The following EDNRB variants were observed in gnomAD, a reference collection of about 807,000 sequenced individuals.
EDNRB encodes the protein Hirschsprung disease 2.
Under a neutral mutation model 46.4 loss-of-function variants are expected in EDNRB, and 18 were observed. The observed-to-expected ratio is 0.39, with a 90% confidence interval of 0.27 to 0.57. The LOEUF is 0.57. Ranked by LOEUF, EDNRB falls within the 20% of genes least tolerant of loss-of-function variation. The pLI is 0.61. For missense variants in EDNRB, 434 were observed against 537.5 expected (o/e 0.81, Z 1.90); for synonymous variants, 213 against 204.9 (o/e 1.04, Z -0.34).
intron 3 of EDNRB, 94 bp downstream of exon 3, chr13:77,903,062 A>AC: frequency 7.5e-7 from 1 of 1,337,342 alleles, no homozygotes; most frequent in East Asian, 2.4e-5. Context: ...ACAGTCATAA[A>AC]TCAACAGTTT....
At chr13:77,921,615 A>T (rs573314690), upstream of EDNRB, among the ~76,000 whole-genome samples, 3 of 152,288 alleles carry the variant, frequency 2.0e-5, no homozygotes, top group Admixed American at 6.5e-5. Flanking sequence ...GCCTAAGCAA[A>T]TTTTTTTCTT....
At chr13:77,910,416 C>G (rs1879513632) in intron 1 of EDNRB, among the ~76,000 whole-genome samples, 1 of 151,916 alleles carries the variant, frequency 6.6e-6, no homozygotes, top group Admixed American at 6.6e-5. Context: ...TGTGTTTGAA[C>G]TAGAGTTTTA....
chr13:77,926,165 C>CT (rs1880231033), intron 1 of EDNRB, among the ~76,000 whole-genome samples: 2 of 152,158 alleles, frequency 1.3e-5, no homozygotes, highest in Admixed American at 6.5e-5. Context: ...GACCCTGGGA[C>CT]ATTTTCCCCA....
At chr13:77,935,141 AGAGT>A (rs1880524854) in intron 1 of EDNRB, among the ~76,000 whole-genome samples, 1 of 152,220 alleles carries the variant, frequency 6.6e-6, no homozygotes, top group African/African-American at 2.4e-5. Context: ...AGAACTGTAG[AGAGT>A]GAGTTGAGCA....
At chr13:77,954,098 A>G (rs1221760647) in intron 1 of EDNRB, among the ~76,000 whole-genome samples, 2 of 152,134 alleles carry the variant, frequency 1.3e-5, no homozygotes. Flanking sequence ...TGCAATTCCA[A>G]CATTGCATCC....
chr13:77,943,714 T>C (rs1880816877), intron 1 of EDNRB, among the ~76,000 whole-genome samples: 1 of 152,064 alleles, frequency 6.6e-6, no homozygotes, highest in South Asian at 2.1e-4. Flanking sequence ...AACTTCCTCT[T>C]CATTATCTTA....
intron 1 of EDNRB, among the ~76,000 whole-genome samples, chr13:77,950,994 A>C (rs191019054): frequency 6.6e-6 from 1 of 152,328 alleles, no homozygotes; most frequent in African/African-American, 2.4e-5. Context: ...AGAGGTTTTT[A>C]AGGCCAGCTA....
At chr13:77,974,074 C>T (rs1881814488) in intron 1 of EDNRB, among the ~76,000 whole-genome samples, 1 of 151,912 alleles carries the variant, frequency 6.6e-6, no homozygotes, top group African/African-American at 2.4e-5. Flanking sequence ...GCAAACTTTA[C>T]TTTTGTTGAA....
rs1263591133 is a variant in EDNRB at position 77,898,006 on chromosome 13, A to T, written c.*194T>A. 1 of 1,382,184 alleles carries T rather than the reference A, an allele frequency of 7.2e-7. No homozygotes were observed. Among genetic ancestry groups the T allele is most frequent in the Non-Finnish European group, 9.4e-7 (1 of 1,068,920 alleles). The allele number at this position is 1,382,184 out of a possible 1,614,324, so 85.6% of individuals were successfully genotyped here. On this transcript the variant is annotated 3_prime_UTR_variant, in exon 7 of 7. Transcript: ENST00000646607. ...GACGAGGCTTTCTTAATTCCCACTG[A>T]TTTTCTTTCCATGCCGTAAACAGCT...
At chr13:77,974,087 C>T (rs1760414817) in intron 1 of EDNRB, among the ~76,000 whole-genome samples, 1 of 152,014 alleles carries the variant, frequency 6.6e-6, no homozygotes, top group Non-Finnish European at 1.5e-5. Flanking sequence ...TTGTTGAAAA[C>T]CTTGCAAGTT....
At chr13:77,953,591 G>A (rs1002483107) in intron 1 of EDNRB, among the ~76,000 whole-genome samples, 1 of 152,040 alleles carries the variant, frequency 6.6e-6, no homozygotes, top group African/African-American at 2.4e-5. Context: ...AAATAGTCTG[G>A]ACTAAACGAT....
chr13:77,925,273 A>G (rs978340702), intron 1 of EDNRB, among the ~76,000 whole-genome samples: 2 of 152,208 alleles, frequency 1.3e-5, no homozygotes, highest in African/African-American at 4.8e-5. Context: ...CTGTTTGTAT[A>G]TGCCACATTT....
At chr13:77,956,123 C>T (rs145124949) in intron 1 of EDNRB, among the ~76,000 whole-genome samples, 137 of 152,178 alleles carry the variant, frequency 9.0e-4, no homozygotes, top group African/African-American at 3.1e-3. Flanking sequence ...ATAGTATGGA[C>T]GTTTTAACAA....
intron 1 of EDNRB, among the ~76,000 whole-genome samples, chr13:77,909,066 C>T (rs1055584910): frequency 6.6e-6 from 1 of 151,886 alleles, no homozygotes; most frequent in African/African-American, 2.4e-5. Flanking sequence ...TACCCTAAGG[C>T]TTATACTGCT....
Position 77,903,742 on chromosome 13 carries a change from C to G in EDNRB, c.484-135G>C, listed in dbSNP as rs1202793739. 84 of 748,588 alleles carry G rather than the reference C, an allele frequency of 1.1e-4. 2 individuals are homozygous for G. The South Asian group carries it at 1.3e-3, about 11-fold the overall frequency. The allele number at this position is 748,588 out of a possible 1,614,324, so 46.4% of individuals were successfully genotyped here. On this transcript the variant is annotated intron_variant, in intron 1 of 6. Transcript: ENST00000646607. ...TCATTCTTTTTCTCATGGACTACTT[C>G]TTTGAAAAGCACCATTGTTTGATAT...
At chr13:77,910,398 A>G (rs891027483) in intron 1 of EDNRB, among the ~76,000 whole-genome samples, 1 of 151,976 alleles carries the variant, frequency 6.6e-6, no homozygotes, top group Non-Finnish European at 1.5e-5. Flanking sequence ...AGTAGTTAAG[A>G]GTTTTTCTGT....
intron 1 of EDNRB, chr13:77,939,518 A>C (rs540188473): frequency 6.6e-6 from 1 of 152,344 alleles, no homozygotes; most frequent in Non-Finnish European, 1.5e-5. Context: ...GGGAAGATTA[A>C]ATGAAGTCAT....
rs1879902138 is a variant in EDNRB, at chr13:77,918,120, C to T, written c.454G>A (p.Val152Ile). The T allele has an allele frequency of 3.1e-6, 5 of 1,614,140 alleles. No individual in the cohort carries two copies. The highest frequency in any genetic ancestry group is 4.5e-5 in the East Asian group (2 of 44,876). The change falls in exon 1 of 7, where the codon GTC becomes ATC. Residue 152 changes from valine (V) to isoleucine (I), a missense_variant. Coordinates refer to ENST00000646607, the MANE Select transcript of EDNRB (RefSeq NM_001122659.3). The surrounding 1 kb of genome is among the most constrained non-coding windows in gnomAD (Gnocchi z 4.5). Reference protein sequence around the residue: ...SLALGDLLHIVIDIPINVYKL... With the variant: ...SLALGDLLHIIIDIPINVYKL... Reference sequence around the variant, plus strand: ...TAGACATTGATAGGGATGTCAATGACGATGTGCAGCAGGTCTCCCAGAGCC... The same window carrying T: ...TAGACATTGATAGGGATGTCAATGATGATGTGCAGCAGGTCTCCCAGAGCC...
rs75269557 is a variant in EDNRB, at chr13:77,973,043, T to C, written c.-52+2304A>G. Reference sequence around the variant, plus strand: ...AGGCTGGTGCTGGTTTACTGGAAATTCTAGGGGTGGTATGCATACTAAAAG... The same window carrying C: ...AGGCTGGTGCTGGTTTACTGGAAATCCTAGGGGTGGTATGCATACTAAAAG... On this transcript the variant is annotated intron_variant, in intron 1 of 7. Transcript: ENST00000646948. 5.1e-4 allele frequency among the ~76,000 whole-genome samples: 77 copies of C among 152,242 alleles called. No individual in the cohort carries two copies. The East Asian group carries it at 0.014, about 28-fold the overall frequency.
Sources: gnomAD v4.1 joint callset for allele counts (sites outside exome capture counted in the v4.1 genomes callset) on GRCh38, gnomAD v4.1.1 for gene constraint, Gnocchi (gnomAD v3.1) non-coding constraint, MANE v1.5 for transcripts, NCBI Gene and HGNC (gene_info 2026-07-23, HGNC 2026-07-21) for gene names.